CSMD3: variants seen among roughly 807,000 people sequenced by gnomAD.
CSMD3 encodes CUB and sushi domain-containing protein 3.
Under a neutral mutation model 435.2 loss-of-function variants are expected in CSMD3, and 177 were observed. The ratio of observed to expected loss-of-function variants is 0.41; its 90% CI spans 0.36 to 0.46. The LOEUF (loss-of-function observed/expected upper bound fraction) is 0.46. CSMD3 is among the 20% of genes least tolerant of loss of function. CSMD3 has a pLI of 0.34. For missense variants in CSMD3, 4,265 were observed against 4,504.6 expected (o/e 0.95, Z 1.52); for synonymous variants, 1,656 against 1,520.5 (o/e 1.09, Z -2.07).
At chr8:112,665,938 G>A (rs753254900) in intron 17 of CSMD3, among the ~76,000 whole-genome samples, 8 of 151,934 alleles carry the variant, frequency 5.3e-5, no homozygotes, top group South Asian at 2.1e-4. Context: ...CAGCACCTTC[G>A]CCTCTTGAAA....
intron 22 of CSMD3, among the ~76,000 whole-genome samples, chr8:112,589,212 T>A (rs2131362282): frequency 6.6e-6 from 1 of 152,272 alleles, no homozygotes; most frequent in Non-Finnish European, 1.5e-5. Flanking sequence ...TACAATGCGA[T>A]CCCAGTGTGC....
intron 1 of CSMD3, among the ~76,000 whole-genome samples, chr8:113,318,994 T>C (rs183449129): frequency 2.0e-5 from 3 of 152,168 alleles, no homozygotes; most frequent in Non-Finnish European, 2.9e-5. Flanking sequence ...TTATGAATAA[T>C]GCTGCAAAAA....
At chr8:113,297,695 T>C (rs963994122) in intron 2 of CSMD3, among the ~76,000 whole-genome samples, 5 of 152,096 alleles carry the variant, frequency 3.3e-5, no homozygotes, top group Admixed American at 2.6e-4. Context: ...AAAAGATTCA[T>C]AGTCTATTCA....
chr8:112,679,964 C>T (rs2075851900), intron 16 of CSMD3, among the ~76,000 whole-genome samples: 1 of 152,146 alleles, frequency 6.6e-6, no homozygotes, highest in South Asian at 2.1e-4. Context: ...TCATCAGATC[C>T]AACTCACTGT....
At chr8:113,321,992 A>C (rs964947062) in intron 1 of CSMD3, among the ~76,000 whole-genome samples, 4 of 152,178 alleles carry the variant, frequency 2.6e-5, no homozygotes, top group African/African-American at 9.6e-5. Context: ...CCTTTGTTTT[A>C]AATTTTTTAA....
intron 5 of CSMD3, among the ~76,000 whole-genome samples, chr8:113,057,437 T>C (rs2088392028): frequency 6.6e-6 from 1 of 151,598 alleles, no homozygotes. Context: ...TCTTTTTCAG[T>C]CAAAAGAATG....
chr8:112,559,784 T>A (rs951961217), intron 24 of CSMD3, among the ~76,000 whole-genome samples: 1 of 151,772 alleles, frequency 6.6e-6, no homozygotes, highest in Non-Finnish European at 1.5e-5. Flanking sequence ...TTTTAATATT[T>A]TGCAAAATAT....
intron 3 of CSMD3, among the ~76,000 whole-genome samples, chr8:113,245,008 T>C (rs925617912): frequency 6.6e-6 from 1 of 152,182 alleles, no homozygotes; most frequent in African/African-American, 2.4e-5. Context: ...TTACAATCAC[T>C]GTATCTTTTA....
intron 15 of CSMD3, among the ~76,000 whole-genome samples, chr8:112,683,618 C>A (rs1586961103): frequency 6.6e-6 from 1 of 151,832 alleles, no homozygotes; most frequent in East Asian, 1.9e-4. Flanking sequence ...TCTGAGTGAC[C>A]AATTGTGTAT....
At chr8:113,291,809 A>T (rs549547945) in intron 2 of CSMD3, among the ~76,000 whole-genome samples, 167 of 152,062 alleles carry the variant, frequency 1.1e-3, no homozygotes, top group African/African-American at 3.9e-3. Context: ...TTCTACACAA[A>T]AAAACTAAAG....
At chr8:112,343,793 G>T (rs1351433763) in intron 41 of CSMD3, among the ~76,000 whole-genome samples, 1 of 152,090 alleles carries the variant, frequency 6.6e-6, no homozygotes, top group Non-Finnish European at 1.5e-5. Flanking sequence ...CATACAGGCG[G>T]GCTCCACCAT....
intron 22 of CSMD3, among the ~76,000 whole-genome samples, chr8:112,615,622 A>T (rs12542828): frequency 6.6e-6 from 1 of 151,712 alleles, no homozygotes; most frequent in Non-Finnish European, 1.5e-5. Flanking sequence ...TAACTACTAG[A>T]TGCAATTCTA....
At chr8:112,389,543 G>A (rs960260472) in intron 36 of CSMD3, among the ~76,000 whole-genome samples, 1 of 152,096 alleles carries the variant, frequency 6.6e-6, no homozygotes, top group Non-Finnish European at 1.5e-5. Context: ...TTTGTCATTG[G>A]TTTGCTGGCA....
At chr8:113,362,276 A>G (rs1048868319) in intron 1 of CSMD3, among the ~76,000 whole-genome samples, 3 of 152,194 alleles carry the variant, frequency 2.0e-5, no homozygotes, top group Non-Finnish European at 4.4e-5. Flanking sequence ...AGGGAAAAAG[A>G]AGAAAAATAC....
At chr8:113,067,632 A>T (rs977536626) in intron 5 of CSMD3, among the ~76,000 whole-genome samples, 2 of 152,146 alleles carry the variant, frequency 1.3e-5, no homozygotes, top group Non-Finnish European at 2.9e-5. Flanking sequence ...GGTTCAGACA[A>T]ATTGGACACT....
chr8:112,319,362 A>G (rs2130863529), intron 46 of CSMD3, among the ~76,000 whole-genome samples: 2 of 152,298 alleles, frequency 1.3e-5, no homozygotes, highest in African/African-American at 4.8e-5. Flanking sequence ...ATGAATAATA[A>G]AAGTTTATTA....
chr8:113,066,375 G>A (rs1314825121), intron 5 of CSMD3, among the ~76,000 whole-genome samples: 1 of 151,844 alleles, frequency 6.6e-6, no homozygotes, highest in African/African-American at 2.4e-5. Context: ...AGGTATGGAA[G>A]TAGAGGACTT....
At chr8:112,495,460 A>C (rs1182373717) in intron 30 of CSMD3, among the ~76,000 whole-genome samples, 5 of 152,242 alleles carry the variant, frequency 3.3e-5, no homozygotes, top group Non-Finnish European at 7.3e-5. Flanking sequence ...GACAAATTTA[A>C]AAATAATGCC....
chr8:112,791,850 A>G (rs1342257664), intron 13 of CSMD3, among the ~76,000 whole-genome samples: 2 of 152,164 alleles, frequency 1.3e-5, no homozygotes, highest in Non-Finnish European at 2.9e-5. Flanking sequence ...CTAACAGTGT[A>G]TGAGAGTTCC....
Sources: allele counts gnomAD v4.1 joint callset (sites outside exome capture counted in the v4.1 genomes callset), GRCh38; gene constraint gnomAD v4.1.1; transcripts MANE v1.5; gene names NCBI Gene and HGNC (gene_info 2026-07-23, HGNC 2026-07-21).